GPM6A: variants seen among roughly 807,000 people sequenced by gnomAD.
GPM6A encodes neuronal membrane glycoprotein M6-a.
GPM6A carries 7 observed loss-of-function variants against 32.1 expected under a neutral mutation model. That is an observed-to-expected ratio of 0.22 (90% CI 0.12 to 0.41). The LOEUF (loss-of-function observed/expected upper bound fraction) is 0.41, where lower values mean the gene tolerates loss of function less well. Among genes scored for constraint, GPM6A ranks in the 10% least tolerant of loss-of-function variants. The probability of loss-of-function intolerance (pLI) is 1.00; values close to 1 mark genes in which losing one functional copy is unlikely to be tolerated. For synonymous variants in GPM6A, 130 were observed against 123.4 expected, an observed-to-expected ratio of 1.05 and a Z score of -0.35; for missense variants, 235 against 347.2, an observed-to-expected ratio of 0.68 and a Z score of 2.57.
chr4:175,919,302 G>A (rs1738594261), intron 1 of GPM6A, among the ~76,000 whole-genome samples: 1 of 151,966 alleles, frequency 6.6e-6, no homozygotes, highest in African/African-American at 2.4e-5. Flanking sequence ...TATCATAAAA[G>A]GTGACTTGTG....
intron 4 of GPM6A, among the ~76,000 whole-genome samples, chr4:175,648,231 G>C (rs1161691371): frequency 6.6e-6 from 1 of 152,116 alleles, no homozygotes; most frequent in Non-Finnish European, 1.5e-5. Context: ...TAGGTTGAAT[G>C]TATTTCACAC....
At chr4:175,666,489 A>C (rs1040689411) in intron 3 of GPM6A, among the ~76,000 whole-genome samples, 1 of 152,314 alleles carries the variant, frequency 6.6e-6, no homozygotes, top group Middle Eastern at 3.4e-3. Context: ...TTTTCTGAAA[A>C]TAATTTTTCA....
At chr4:175,855,204 T>C (rs538248146) in intron 1 of GPM6A, among the ~76,000 whole-genome samples, 2 of 152,078 alleles carry the variant, frequency 1.3e-5, no homozygotes, top group Non-Finnish European at 1.5e-5. Context: ...AAATATACTC[T>C]CAAAAAGAAA....
chr4:175,752,707 T>C (rs2111192072), intron 1 of GPM6A, among the ~76,000 whole-genome samples: 1 of 152,256 alleles, frequency 6.6e-6, no homozygotes, highest in Non-Finnish European at 1.5e-5. Context: ...TATATATCTC[T>C]TACATGAAAT....
intron 1 of GPM6A, among the ~76,000 whole-genome samples, chr4:175,819,346 C>G (rs1735205584): frequency 6.6e-6 from 1 of 152,146 alleles, no homozygotes; most frequent in African/African-American, 2.4e-5. Context: ...TCAATGACTA[C>G]TAGGTATCTG....
chr4:175,761,743 T>C (rs1262839877), intron 1 of GPM6A, among the ~76,000 whole-genome samples: 1 of 151,924 alleles, frequency 6.6e-6, no homozygotes, highest in African/African-American at 2.4e-5. Flanking sequence ...TGACCATTTC[T>C]AGTCTAGGAA....
At chr4:175,921,519 GA>G (rs5864350) in intron 1 of GPM6A, among the ~76,000 whole-genome samples, 89,619 of 151,450 alleles carry the variant, frequency 0.59, 30,297 homozygotes, top group Middle Eastern at 0.74. Context: ...CATTCCCAAA[GA>G]AAAAAAATGA....
At chr4:175,789,450 T>G (rs1258817695) in intron 1 of GPM6A, among the ~76,000 whole-genome samples, 1 of 152,202 alleles carries the variant, frequency 6.6e-6, no homozygotes, top group Non-Finnish European at 1.5e-5. Flanking sequence ...ATGTTCAATT[T>G]ATCTTGTTTT....
intron 1 of GPM6A, among the ~76,000 whole-genome samples, chr4:175,733,695 T>G (rs1731530581): frequency 6.6e-6 from 1 of 152,148 alleles, no homozygotes; most frequent in Admixed American, 6.5e-5. Flanking sequence ...GAGATCTAAC[T>G]CATTCATTCT....
chr4:175,887,833 C>T (rs898329162), intron 1 of GPM6A, among the ~76,000 whole-genome samples: 1 of 151,774 alleles, frequency 6.6e-6, no homozygotes, highest in African/African-American at 2.4e-5. Context: ...ATAATAATTT[C>T]AATAATCAAT....
chr4:175,843,696 T>A (rs1422233200), intron 1 of GPM6A, among the ~76,000 whole-genome samples: 2 of 152,330 alleles, frequency 1.3e-5, no homozygotes, highest in Non-Finnish European at 2.9e-5. Flanking sequence ...TTAATTTTTG[T>A]ACAAGGGTCC....
chr4:175,785,666 T>C (rs540134763), intron 1 of GPM6A, among the ~76,000 whole-genome samples: 4 of 152,304 alleles, frequency 2.6e-5, no homozygotes, highest in East Asian at 1.9e-4. Context: ...TCATATGTTG[T>C]CAACAGATTT....
chr4:175,991,971 C>CAA (rs754166461), intron 1 of GPM6A, among the ~76,000 whole-genome samples: 7 of 151,424 alleles, frequency 4.6e-5, no homozygotes, highest in Non-Finnish European at 1.0e-4. Context: ...AACAGCCACA[C>CAA]AAAACACTAT....
chr4:175,875,492 G>T (rs1276300299), intron 1 of GPM6A, among the ~76,000 whole-genome samples: 2 of 152,146 alleles, frequency 1.3e-5, no homozygotes, highest in East Asian at 3.8e-4. Context: ...GTGGCACTGA[G>T]AACCCATTTA....
chr4:175,828,191 A>G (rs1735495721), intron 1 of GPM6A, among the ~76,000 whole-genome samples: 1 of 152,148 alleles, frequency 6.6e-6, no homozygotes, highest in African/African-American at 2.4e-5. Context: ...TGCTCATGCC[A>G]CAGGTCTGCC....
At chr4:175,668,519 A>ATGTGTGTG (rs56106172) in intron 3 of GPM6A, among the ~76,000 whole-genome samples, 11 of 139,236 alleles carry the variant, frequency 7.9e-5, no homozygotes, top group African/African-American at 1.8e-4. Flanking sequence ...TCAAACGTTT[A>ATGTGTGTG]TGTGTGTGTG....
intron 1 of GPM6A, among the ~76,000 whole-genome samples, chr4:175,717,568 T>C (rs1455662444): frequency 2.6e-5 from 4 of 152,214 alleles, no homozygotes; most frequent in Non-Finnish European, 5.9e-5. Flanking sequence ...TATTTCCACA[T>C]ATAGACATAG....
At chr4:175,979,617 A>T (rs1416964180) in intron 1 of GPM6A, among the ~76,000 whole-genome samples, 1 of 152,070 alleles carries the variant, frequency 6.6e-6, no homozygotes, top group East Asian at 1.9e-4. Context: ...AAATACATAT[A>T]AAAAAACTTT....
chr4:175,962,958 C>T (rs1430021577), intron 1 of GPM6A, among the ~76,000 whole-genome samples: 1 of 151,340 alleles, frequency 6.6e-6, no homozygotes, highest in Non-Finnish European at 1.5e-5. Context: ...GTAATGTAAG[C>T]AGAAATACAG....
Sources: allele counts gnomAD v4.1 joint callset (sites outside exome capture counted in the v4.1 genomes callset), GRCh38; gene constraint gnomAD v4.1.1; transcripts MANE v1.5; gene names NCBI Gene and HGNC (gene_info 2026-07-23, HGNC 2026-07-21).